Variants in DOCK3 observed in about 807,000 individuals in gnomAD.
The protein encoded by DOCK3 is dedicator of cytokinesis protein 3.
DOCK3 carries 60 observed loss-of-function variants against 265.6 expected under a neutral mutation model. That is an observed-to-expected ratio of 0.23 (90% CI 0.18 to 0.28). The LOEUF (loss-of-function observed/expected upper bound fraction) is 0.28. DOCK3 is among the 10% of genes least tolerant of loss of function. DOCK3 has a pLI of 1.00. For missense variants in DOCK3, 1,981 were observed against 2,594.3 expected (o/e 0.76, Z 5.14); for synonymous variants, 881 against 938.0 (o/e 0.94, Z 1.11).
At chr3:51,022,344 A>G (rs1281187464) in intron 5 of DOCK3, among the ~76,000 whole-genome samples, 1 of 152,182 alleles carries the variant, frequency 6.6e-6, no homozygotes, top group Non-Finnish European at 1.5e-5. Context: ...CAGCACTTCT[A>G]CTGTAATGTG....
chr3:50,768,842 G>T (rs2041084115), intron 1 of DOCK3, among the ~76,000 whole-genome samples: 1 of 152,144 alleles, frequency 6.6e-6, no homozygotes, highest in Non-Finnish European at 1.5e-5. Context: ...CCGTTGTCCT[G>T]AATGGCTGTA....
chr3:50,781,348 G>T (rs1460042600), intron 2 of DOCK3, among the ~76,000 whole-genome samples: 1 of 142,312 alleles, frequency 7.0e-6, no homozygotes, highest in Non-Finnish European at 1.5e-5. Context: ...GCTTACTGTA[G>T]CCTCGACCTC....
intron 5 of DOCK3, among the ~76,000 whole-genome samples, chr3:50,981,122 C>T (rs529409572): frequency 6.6e-6 from 1 of 152,286 alleles, no homozygotes; most frequent in East Asian, 1.9e-4. Flanking sequence ...ACAGCTTTTG[C>T]TGTATCCCAT....
At chr3:50,684,235 C>G (rs73833242) in intron 1 of DOCK3, among the ~76,000 whole-genome samples, 3,030 of 152,176 alleles carry the variant, frequency 0.02, 119 homozygotes, top group African/African-American at 0.07. Context: ...CCTTCTAGAT[C>G]ATGCTTAATT....
Position 51,217,816 on chromosome 3 carries a change from G to A in DOCK3, c.1252+3569G>A, listed in dbSNP as rs1576441071. On this transcript the variant is annotated intron_variant, in intron 14 of 52. Transcript: ENST00000266037. ...CAAAAGAGTATAACCTGAAAGGAAT[G>A]ATTTAAAACCTCTAGGTCAGGCCAG... Among the ~76,000 whole-genome samples, 3 of 152,264 alleles carry A rather than the reference G, an allele frequency of 2.0e-5. No homozygotes were observed. The South Asian group carries it at 6.2e-4, about 32-fold the overall frequency.
intron 9 of DOCK3, among the ~76,000 whole-genome samples, chr3:51,112,513 G>T (rs1443771214): frequency 6.6e-6 from 1 of 152,164 alleles, no homozygotes; most frequent in East Asian, 1.9e-4. Context: ...TCATCAAGTT[G>T]TATACTTAGA....
At chr3:51,017,537 G>A (rs2079401381) in intron 5 of DOCK3, among the ~76,000 whole-genome samples, 1 of 151,676 alleles carries the variant, frequency 6.6e-6, no homozygotes, top group South Asian at 2.1e-4. Context: ...GCTATATCCA[G>A]TAGGTTTTGG....
At chr3:50,856,636 T>A (rs1418335539) in intron 3 of DOCK3, among the ~76,000 whole-genome samples, 1 of 152,164 alleles carries the variant, frequency 6.6e-6, no homozygotes, top group Non-Finnish European at 1.5e-5. Flanking sequence ...AGGTTGTCTG[T>A]TTATTCTGAT....
chr3:50,875,365 G>C (rs1290521305), intron 3 of DOCK3, among the ~76,000 whole-genome samples: 1 of 152,078 alleles, frequency 6.6e-6, no homozygotes, highest in Non-Finnish European at 1.5e-5. Context: ...TCTTATCTTT[G>C]TCTTGTTTGA....
At chr3:50,800,030 A>G (rs2042992732) in intron 2 of DOCK3, among the ~76,000 whole-genome samples, 1 of 152,132 alleles carries the variant, frequency 6.6e-6, no homozygotes, top group Non-Finnish European at 1.5e-5. Flanking sequence ...TTATTCTTAT[A>G]TTCCTGGGAT....
chr3:51,158,005 G>A (rs2085940789), intron 10 of DOCK3, among the ~76,000 whole-genome samples: 3 of 151,746 alleles, frequency 2.0e-5, no homozygotes, highest in South Asian at 2.1e-4. Flanking sequence ...GATGAAAGAG[G>A]AAAAGGAAAT....
intron 32 of DOCK3, among the ~76,000 whole-genome samples, chr3:51,316,663 T>G (rs2083384677): frequency 6.6e-6 from 1 of 152,236 alleles, no homozygotes; most frequent in African/African-American, 2.4e-5. Context: ...CTAATAGGTG[T>G]GTAGTTGTAT....
intron 23 of DOCK3, among the ~76,000 whole-genome samples, chr3:51,270,416 A>T (rs921120219): frequency 6.6e-6 from 1 of 152,192 alleles, no homozygotes; most frequent in African/African-American, 2.4e-5. Flanking sequence ...TCTCTGCCAT[A>T]CTTTCTTGAG....
chr3:50,744,369 T>C (rs144100826), intron 1 of DOCK3, among the ~76,000 whole-genome samples: 2 of 152,286 alleles, frequency 1.3e-5, no homozygotes, highest in African/African-American at 4.8e-5. Context: ...TATTTGCCCC[T>C]ATGTTTTCTT....
rs2034652382 is a variant in DOCK3 at position 50,684,691 on chromosome 3, C to T, written c.37+9391C>T. Among the ~76,000 whole-genome samples the T allele has an allele frequency of 2.6e-5, 4 of 152,200 alleles. No individual in the cohort carries two copies. In the South Asian group the frequency reaches 8.3e-4, roughly 32 times the overall value. On this transcript the variant is annotated intron_variant, in intron 1 of 52. Transcript: ENST00000266037. Reference sequence around the variant, plus strand: ...TCCCGACAATACTTCTTTTGTTTGACATCTTTGGGGAATGCTGTGTTTTGG... The same window carrying T: ...TCCCGACAATACTTCTTTTGTTTGATATCTTTGGGGAATGCTGTGTTTTGG...
At chr3:51,275,971 A>T (rs1166171405) in intron 25 of DOCK3, among the ~76,000 whole-genome samples, 1 of 152,238 alleles carries the variant, frequency 6.6e-6, no homozygotes, top group African/African-American at 2.4e-5. Context: ...AGCATAAGGA[A>T]AGAAATGTAG....
At chr3:50,958,985 A>G (rs1292780845) in intron 5 of DOCK3, among the ~76,000 whole-genome samples, 1 of 152,206 alleles carries the variant, frequency 6.6e-6, no homozygotes, top group African/African-American at 2.4e-5. Flanking sequence ...TCAATTTACA[A>G]AGTAGGGCTA....
intron 5 of DOCK3, among the ~76,000 whole-genome samples, chr3:50,992,423 G>A (rs1356870364): frequency 6.6e-5 from 10 of 152,146 alleles, no homozygotes; most frequent in Non-Finnish European, 1.5e-5. Flanking sequence ...TCAGCCTCCT[G>A]AGTAGCTGGG....
intron 1 of DOCK3, among the ~76,000 whole-genome samples, chr3:50,682,706 A>C (rs1231674123): frequency 6.6e-6 from 1 of 152,234 alleles, no homozygotes; most frequent in Non-Finnish European, 1.5e-5. Context: ...TGGGAGGCCT[A>C]GGTGGGTGGA....
Sources: gnomAD v4.1 joint callset for allele counts (sites outside exome capture counted in the v4.1 genomes callset) on GRCh38, gnomAD v4.1.1 for gene constraint, MANE v1.5 for transcripts, NCBI Gene and HGNC (gene_info 2026-07-23, HGNC 2026-07-21) for gene names.